IRX3: variants seen among roughly 807,000 people sequenced by gnomAD.
IRX3 encodes iroquois-class homeodomain protein IRX-3.
IRX3 carries 20 observed loss-of-function variants against 36.4 expected under a neutral mutation model. The ratio of observed to expected loss-of-function variants is 0.55; its 90% CI spans 0.39 to 0.80. The LOEUF (loss-of-function observed/expected upper bound fraction) is 0.80, where lower values mean the gene tolerates loss of function less well. IRX3 is among the 30% of genes least tolerant of loss of function. The pLI is 0.00. For missense variants in IRX3, 718 were observed against 733.2 expected, an observed-to-expected ratio of 0.98 and a Z score of 0.24; for synonymous variants, 404 against 351.6, an observed-to-expected ratio of 1.15 and a Z score of -1.67.
In IRX3 at chr16:54,284,352, C is replaced by G; in HGVS notation, c.1385-40G>C. ...GGAAGAAAAAGGAGGGCCTTTAGAG[C>G]GCTCGGTGCCGGCGCCCAGGGCCGC... On this transcript the variant is annotated intron_variant, in intron 2 of 3. Coordinates refer to ENST00000329734, the MANE Select transcript of IRX3 (RefSeq NM_024336.3). The surrounding 1 kb of genome is among the most constrained non-coding windows in gnomAD (Gnocchi z 4.0). 4.4e-6 allele frequency: 7 copies of G among 1,579,106 alleles called. No homozygotes were observed. The highest frequency in any genetic ancestry group is 1.2e-5 in the South Asian group (1 of 86,012).
chr16:54,284,048 G>T lies in IRX3; in HGVS notation c.1451+198C>A, dbSNP rs1478085641. The T allele has an allele frequency of 7.7e-7, 1 of 1,292,964 alleles. No individual in the cohort carries two copies. Among genetic ancestry groups the T allele is most frequent in the Non-Finnish European group, 1.0e-6 (1 of 969,770 alleles). 80.1% of individuals were successfully genotyped at this position (1,292,964 alleles called of 1,614,324 possible). Reference sequence around the variant, plus strand: ...GCGCTGTACCCTCCGGCCGCGCCTGGGGTGCCTGGGCTGGACCTGGAGAGC... The same window carrying T: ...GCGCTGTACCCTCCGGCCGCGCCTGTGGTGCCTGGGCTGGACCTGGAGAGC... On this transcript the variant is annotated intron_variant, in intron 3 of 3. Transcript: ENST00000329734. This position sits in a 1 kb window ranked among gnomAD's most constrained non-coding sequence, Gnocchi z 4.0.
Position 54,284,476 on chromosome 16 carries a change from C to T in IRX3, c.1384+21G>A, listed in dbSNP as rs562871048. On this transcript the variant is annotated intron_variant, in intron 2 of 3. Transcript: ENST00000329734. The surrounding 1 kb of genome is among the most constrained non-coding windows in gnomAD (Gnocchi z 4.0). ...ACCCGCAGAGCCCGCCCCCGCTCCG[C>T]GCCCAGCGCTCAGCAGTCACCTGTT... The T allele has an allele frequency of 1.9e-4, 262 of 1,391,814 alleles. 1 individual carries two copies. In the African/African-American group the frequency reaches 3.7e-3, roughly 20 times the overall value. The allele number at this position is 1,391,814 out of a possible 1,614,324, so 86.2% of individuals were successfully genotyped here. A position where few individuals can be genotyped will look rare whatever the true frequency, so the allele number is the denominator to read the frequency against.
chr16:54,284,840 G>A lies in IRX3; in HGVS notation c.1041C>T (p.Pro347=). 2 of 1,536,510 alleles carry A rather than the reference G, an allele frequency of 1.3e-6. No individual in the cohort carries two copies. Among genetic ancestry groups the A allele is most frequent in the Non-Finnish European group, 1.7e-6 (2 of 1,146,164 alleles). Residue 347 remains proline, a synonymous_variant, in exon 2 of 4, where the codon CCC becomes CCT. Transcript: ENST00000329734. The surrounding 1 kb of genome is among the most constrained non-coding windows in gnomAD (Gnocchi z 4.0). ...APAPASALQK[P]KIWSLAETAT... ...CAGTCTCCGCGAGGGACCAGATCTT[G>A]GGCTTCTGCAGGGCGGAGGCGGGGG...
rs1337616972 is a variant in IRX3 at position 54,286,269 on chromosome 16, T to C, written c.-219A>G. 4 of 1,003,216 alleles carry C rather than the reference T, an allele frequency of 4.0e-6. No individual in the cohort carries two copies. The highest frequency in any genetic ancestry group is 1.2e-6 in the Non-Finnish European group (1 of 842,212). 62.1% of individuals were successfully genotyped at this position (1,003,216 alleles called of 1,614,324 possible). On this transcript the variant is annotated 5_prime_UTR_variant, in exon 1 of 4. Coordinates refer to ENST00000329734, the MANE Select transcript of IRX3 (RefSeq NM_024336.3). ...AGGAGCCAGGTCAGGTCCGAACAGA[T>C]TGGCGGAGATTCCCGGGGCTCCGGG...
Position 54,285,647 on chromosome 16 carries a change from G to C in IRX3, c.268-34C>G. ...ACATGGAGAAGGAAGGGACACGCGC[G>C]GAGGGAGCGCGAGTGAGCCCCAGCC... On this transcript the variant is annotated intron_variant, in intron 1 of 3. Coordinates refer to ENST00000329734, the MANE Select transcript of IRX3 (RefSeq NM_024336.3). The surrounding 1 kb of genome is among the most constrained non-coding windows in gnomAD (Gnocchi z 5.7). 1 of 1,483,414 alleles carries C rather than the reference G, an allele frequency of 6.7e-7. No homozygotes were observed. Among genetic ancestry groups the C allele is most frequent in the Non-Finnish European group, 9.0e-7 (1 of 1,117,200 alleles). The allele number at this position is 1,483,414 out of a possible 1,614,324, so 91.9% of individuals were successfully genotyped here. A position where few individuals can be genotyped will look rare whatever the true frequency, so the allele number is the denominator to read the frequency against.
At position 54,285,835 on chromosome 16, in the gene IRX3, G is replaced by C. The variant is rs1402707257; in HGVS notation, c.216C>G (p.Gly72=). Residue 72 remains glycine (G), a synonymous_variant, in exon 1 of 4, where the codon GGC becomes GGG. Transcript: ENST00000329734. The surrounding 1 kb of genome is among the most constrained non-coding windows in gnomAD (Gnocchi z 5.7). ...AAAAAAAAAQ[G]YGAFLPYAAE... is the part of the protein sequence containing the mutation. Reference sequence around the variant, plus strand: ...CGGCGTAGGGCAGGAAGGCGCCGTAGCCTTGGGCGGCGGCGGCCGCAGCGG... The same window carrying C: ...CGGCGTAGGGCAGGAAGGCGCCGTACCCTTGGGCGGCGGCGGCCGCAGCGG... 10 of 1,559,870 alleles carry C rather than the reference G, an allele frequency of 6.4e-6. No individual in the cohort carries two copies. Among genetic ancestry groups the C allele is most frequent in the Admixed American group, 1.9e-5 (1 of 52,998 alleles).
chr16:54,283,547 CT>C lies in IRX3; in HGVS notation c.*138del. On this transcript the variant is annotated 3_prime_UTR_variant, in exon 4 of 4. Transcript: ENST00000329734. This position sits in a 1 kb window ranked among gnomAD's most constrained non-coding sequence, Gnocchi z 4.4. ...GGACTGGTTTTATTTCTTTTTCTTACTTTCTTTGTTTAGTTTTGCTTTTAGG... is the reference window on the plus strand; with the variant it reads ...GGACTGGTTTTATTTCTTTTTCTTACTTCTTTGTTTAGTTTTGCTTTTAGG... The C allele has an allele frequency of 1.8e-6, 1 of 570,150 alleles. No homozygotes were observed. Among genetic ancestry groups the C allele is most frequent in the Non-Finnish European group, 3.2e-6 (1 of 312,750 alleles). 35.3% of individuals were successfully genotyped at this position (570,150 alleles called of 1,614,324 possible). A position where few individuals can be genotyped will look rare whatever the true frequency, so the allele number is the denominator to read the frequency against.
At position 54,284,178 on chromosome 16, in the gene IRX3, G is replaced by T; in HGVS notation, c.1451+68C>A. 1 of 1,449,226 alleles carries T rather than the reference G, an allele frequency of 6.9e-7. No homozygotes were observed. Among genetic ancestry groups the T allele is most frequent in the Non-Finnish European group, 9.6e-7 (1 of 1,044,688 alleles). 89.8% of individuals were successfully genotyped at this position (1,449,226 alleles called of 1,614,324 possible). On this transcript the variant is annotated intron_variant, in intron 3 of 3. Coordinates refer to ENST00000329734, the MANE Select transcript of IRX3 (RefSeq NM_024336.3). The surrounding 1 kb of genome is among the most constrained non-coding windows in gnomAD (Gnocchi z 4.0). The stretch of plus-strand genomic sequence containing the variant: ...TACCCCGGGGCAAAAGGCCGTGCGT[G>T]GTGCTCGGCGTCCTCTCCTTTCCCC...
At position 54,284,189 on chromosome 16, in the gene IRX3, T is replaced by C; in HGVS notation, c.1451+57A>G. The C allele has an allele frequency of 1.3e-6, 2 of 1,512,106 alleles. No homozygotes were observed. The highest frequency in any genetic ancestry group is 1.8e-6 in the Non-Finnish European group (2 of 1,096,736). The allele number at this position is 1,512,106 out of a possible 1,614,324, so 93.7% of individuals were successfully genotyped here. A position where few individuals can be genotyped will look rare whatever the true frequency, so the allele number is the denominator to read the frequency against. On this transcript the variant is annotated intron_variant, in intron 3 of 3. Coordinates refer to ENST00000329734, the MANE Select transcript of IRX3 (RefSeq NM_024336.3). The surrounding 1 kb of genome is among the most constrained non-coding windows in gnomAD (Gnocchi z 4.0). ...AAAAGGCCGTGCGTGGTGCTCGGCG[T>C]CCTCTCCTTTCCCCGCCAGCCAGTC... is the stretch of plus-strand genomic sequence containing the variant.
In IRX3 at chr16:54,286,003, C is replaced by G; in HGVS notation, c.48G>C (p.Pro16=). Residue 16 remains proline (P), a synonymous_variant, in exon 1 of 4, where the codon CCG becomes CCC. Coordinates refer to ENST00000329734, the MANE Select transcript of IRX3 (RefSeq NM_024336.3). ...CGCCAGCGGCCCCCGGGCGCTCGGACGGGTAAAGCGGGCGGATGTATTGGT... is the reference window on the plus strand; with the variant it reads ...CGCCAGCGGCCCCCGGGCGCTCGGAGGGGTAAAGCGGGCGGATGTATTGGT... ...LGYQYIRPLY[P]SERPGAAGGS... 1 of 1,347,726 alleles carries G rather than the reference C, an allele frequency of 7.4e-7. No individual in the cohort carries two copies. Among genetic ancestry groups the G allele is most frequent in the Non-Finnish European group, 9.5e-7 (1 of 1,053,082 alleles). 83.5% of individuals were successfully genotyped at this position (1,347,726 alleles called of 1,614,324 possible).
In IRX3 at chr16:54,284,171, C is replaced by A; in HGVS notation, c.1451+75G>T. 6 of 1,429,062 alleles carry A rather than the reference C, an allele frequency of 4.2e-6. No individual in the cohort carries two copies. The highest frequency in any genetic ancestry group is 5.8e-6 in the Non-Finnish European group (6 of 1,029,238). The allele number at this position is 1,429,062 out of a possible 1,614,324, so 88.5% of individuals were successfully genotyped here. ...TCCCCCCTACCCCGGGGCAAAAGGC[C>A]GTGCGTGGTGCTCGGCGTCCTCTCC... On this transcript the variant is annotated intron_variant, in intron 3 of 3. Transcript: ENST00000329734. This position sits in a 1 kb window ranked among gnomAD's most constrained non-coding sequence, Gnocchi z 4.0.
rs985347537 is a variant in IRX3 at position 54,285,625 on chromosome 16, T to C, written c.268-12A>G. 6.7e-7 allele frequency: 1 copy of C among 1,501,476 alleles called. No individual in the cohort carries two copies. Among genetic ancestry groups the C allele is most frequent in the Admixed American group, 2.2e-5 (1 of 44,828 alleles). 93.0% of individuals were successfully genotyped at this position (1,501,476 alleles called of 1,614,324 possible). ...TCATACTGCGCGCCCTGTACGCACA[T>C]GGAGAAGGAAGGGACACGCGCGGAG... On this transcript the variant is annotated splice_polypyrimidine_tract_variant and intron_variant, in intron 1 of 3. Transcript: ENST00000329734. This position sits in a 1 kb window ranked among gnomAD's most constrained non-coding sequence, Gnocchi z 5.7.
chr16:54,286,018 G>A lies in IRX3; in HGVS notation c.33C>T (p.Ile11=). 2 of 1,337,588 alleles carry A rather than the reference G, an allele frequency of 1.5e-6. No individual in the cohort carries two copies. Among genetic ancestry groups the A allele is most frequent in the South Asian group, 4.3e-5 (2 of 46,592 alleles). 82.9% of individuals were successfully genotyped at this position (1,337,588 alleles called of 1,614,324 possible). MSFPQLGYQY[I]RPLYPSERPG... ...GGCGCTCGGACGGGTAAAGCGGGCG[G>A]ATGTATTGGTATCCCAGCTGGGGGA... Residue 11 remains isoleucine (I), a synonymous_variant, in exon 1 of 4, where the codon ATC becomes ATT. Coordinates refer to ENST00000329734, the MANE Select transcript of IRX3 (RefSeq NM_024336.3).
chr16:54,283,535 TTC>T lies in IRX3; in HGVS notation c.*149_*150del. ...GAGGGCTGAGGAGGACTGGTTTTATTTCTTTTTCTTACTTTCTTTGTTTAGTT... is the reference window on the plus strand; with the variant it reads ...GAGGGCTGAGGAGGACTGGTTTTATTTTTTTCTTACTTTCTTTGTTTAGTT... On this transcript the variant is annotated 3_prime_UTR_variant, in exon 4 of 4. Coordinates refer to ENST00000329734, the MANE Select transcript of IRX3 (RefSeq NM_024336.3). This position sits in a 1 kb window ranked among gnomAD's most constrained non-coding sequence, Gnocchi z 4.4. The T allele has an allele frequency of 1.8e-6, 1 of 566,330 alleles. No homozygotes were observed. Among genetic ancestry groups the T allele is most frequent in the Non-Finnish European group, 3.2e-6 (1 of 310,706 alleles). 35.1% of individuals were successfully genotyped at this position (566,330 alleles called of 1,614,324 possible). A position where few individuals can be genotyped will look rare whatever the true frequency, so the allele number is the denominator to read the frequency against.
Position 54,285,814 on chromosome 16 carries a change from G to A in IRX3, c.237C>T (p.Tyr79=). 6.4e-7 allele frequency: 1 copy of A among 1,566,444 alleles called. No individual in the cohort carries two copies. The highest frequency in any genetic ancestry group is 8.6e-7 in the Non-Finnish European group (1 of 1,161,718). ...AAQGYGAFLP[Y]AAELPIFPQL... Reference sequence around the variant, plus strand: ...GCGGGAAGATGGGCAGCTCCGCGGCGTAGGGCAGGAAGGCGCCGTAGCCTT... The same window carrying A: ...GCGGGAAGATGGGCAGCTCCGCGGCATAGGGCAGGAAGGCGCCGTAGCCTT... The change falls in exon 1 of 4, where the codon TAC becomes TAT. Residue 79 remains tyrosine (Y), a synonymous_variant. Transcript: ENST00000329734. The surrounding 1 kb of genome is among the most constrained non-coding windows in gnomAD (Gnocchi z 5.7).
rs909798377 is a variant in IRX3, at chr16:54,286,245, G to C, written c.-195C>G. ...ACGGCGGCGGCGAGGGCGGCGGCGA[G>C]GAGCCAGGTCAGGTCCGAACAGATT... On this transcript the variant is annotated 5_prime_UTR_variant, in exon 1 of 4. Transcript: ENST00000329734. 1 of 1,010,618 alleles carries C rather than the reference G, an allele frequency of 9.9e-7. No homozygotes were observed. The highest frequency in any genetic ancestry group is 1.2e-6 in the Non-Finnish European group (1 of 847,254). The allele number at this position is 1,010,618 out of a possible 1,614,324, so 62.6% of individuals were successfully genotyped here.
rs1460545807 is a variant in IRX3, at chr16:54,285,957, C to A, written c.94G>T (p.Ala32Ser). Residue 32 changes from alanine to serine, a missense_variant, in exon 1 of 4, where the codon GCC becomes TCC. Coordinates refer to ENST00000329734, the MANE Select transcript of IRX3 (RefSeq NM_024336.3). This position sits in a 1 kb window ranked among gnomAD's most constrained non-coding sequence, Gnocchi z 5.7. ...AAGGSGGSAG[A>S]RGGLGAGASE... Reference sequence around the variant, plus strand: ...GCTCCGGCACCCAGGCCGCCCCGGGCCCCCGCGCTGCCGCCGCTGCCGCCA... The same window carrying A: ...GCTCCGGCACCCAGGCCGCCCCGGGACCCCGCGCTGCCGCCGCTGCCGCCA... The A allele has an allele frequency of 1.4e-6, 2 of 1,412,712 alleles. No homozygotes were observed. The highest frequency in any genetic ancestry group is 3.1e-5 in the East Asian group (1 of 32,744). The allele number at this position is 1,412,712 out of a possible 1,614,324, so 87.5% of individuals were successfully genotyped here.
Position 54,286,691 on chromosome 16 carries a change from G to A in IRX3, c.-641C>T, listed in dbSNP as rs1323180412. The A allele has an allele frequency of 6.6e-6, 1 of 151,974 alleles. No homozygotes were observed. 9.4% of individuals were successfully genotyped at this position (151,974 alleles called of 1,614,324 possible). A position where few individuals can be genotyped will look rare whatever the true frequency, so the allele number is the denominator to read the frequency against. ...TCTCTTTACTCACACGATACTCCCC[G>A]CGACCTTTCCAGCCTCTGCGCCCTG... On this transcript the variant is annotated 5_prime_UTR_variant, in exon 1 of 4. Transcript: ENST00000329734.
rs1279595740 is a variant in IRX3 at position 54,284,005 on chromosome 16, T to C, written c.1451+241A>G. ...GCCTGTGGGCCCAGCCACGCAAGGC[T>C]TCCCCTAGAAGGTACAAGCGCTGTA... On this transcript the variant is annotated intron_variant, in intron 3 of 3. Transcript: ENST00000329734. The surrounding 1 kb of genome is among the most constrained non-coding windows in gnomAD (Gnocchi z 4.0). 115 of 1,422,876 alleles carry C rather than the reference T, an allele frequency of 8.1e-5. No homozygotes were observed. Among genetic ancestry groups the C allele is most frequent in the Non-Finnish European group, 1.0e-4 (114 of 1,088,536 alleles). The allele number at this position is 1,422,876 out of a possible 1,614,324, so 88.1% of individuals were successfully genotyped here.
Sources: allele counts gnomAD v4.1 joint callset, GRCh38; gene constraint gnomAD v4.1.1; non-coding constraint Gnocchi (gnomAD v3.1); transcripts MANE v1.5; gene names NCBI Gene and HGNC (gene_info 2026-07-23, HGNC 2026-07-21).